The following GON4L variants were observed in gnomAD, a reference collection of about 807,000 sequenced individuals.
GON4L encodes the protein gon-4 like.
Under a neutral mutation model 211.8 loss-of-function variants are expected in GON4L, and 87 were observed. That is an observed-to-expected ratio of 0.41 (90% CI 0.35 to 0.49). The LOEUF (loss-of-function observed/expected upper bound fraction) is 0.49, where lower values mean the gene tolerates loss of function less well. Ranked by LOEUF, GON4L falls within the 20% of genes least tolerant of loss-of-function variation. GON4L has a pLI of 0.15. For synonymous variants in GON4L, 875 were observed against 962.6 expected, an observed-to-expected ratio of 0.91 and a Z score of 1.68; for missense variants, 2,155 against 2,659.5, an observed-to-expected ratio of 0.81 and a Z score of 4.17.
upstream of GON4L, among the ~76,000 whole-genome samples, chr1:155,858,533 A>T (rs796524420): frequency 9.2e-5 from 14 of 152,236 alleles, no homozygotes; most frequent in African/African-American, 3.4e-4. Flanking sequence ...GACCTACAGA[A>T]TACACAGATC....
At chr1:155,813,259 A>G (rs1428783822) in intron 10 of GON4L, among the ~76,000 whole-genome samples, 1 of 151,504 alleles carries the variant, frequency 6.6e-6, no homozygotes, top group Admixed American at 6.6e-5. Context: ...ATATAGGGAG[A>G]CCTCATCTCT....
chr1:155,829,196 A>C (rs764614619), intron 2 of GON4L, among the ~76,000 whole-genome samples: 2 of 152,124 alleles, frequency 1.3e-5, no homozygotes, highest in Non-Finnish European at 2.9e-5. Context: ...TGTTCTTCTG[A>C]ATTTGACTTA....
chr1:155,848,684 T>G (rs1348984104), intron 2 of GON4L, among the ~76,000 whole-genome samples: 2 of 152,180 alleles, frequency 1.3e-5, no homozygotes, highest in African/African-American at 2.4e-5. Flanking sequence ...TTCCTGAGGT[T>G]AGAACTATGT....
chr1:155,813,720 G>A lies in GON4L; in HGVS notation c.1366C>T (p.Gln456Ter). 1 of 1,613,642 alleles carries A rather than the reference G, an allele frequency of 6.2e-7. No homozygotes were observed. Among genetic ancestry groups the A allele is most frequent in the Non-Finnish European group, 8.5e-7 (1 of 1,179,582 alleles). ...MGPPPPPKPK[Q>*]TRDSTFMEKL... Reference sequence around the variant, plus strand: ...TCCATGAAAGTACTATCTCTGGTCTGTTTCGGCTTTGGAGGGGGCGGGGGC... The same window carrying A: ...TCCATGAAAGTACTATCTCTGGTCTATTTCGGCTTTGGAGGGGGCGGGGGC... The change falls in exon 10 of 32, where the codon CAG becomes TAG. Residue 456 changes from glutamine (Q) to a stop codon, truncating the protein, a stop_gained. Transcript: ENST00000368331. LOFTEE classifies it high-confidence loss of function.
At chr1:155,840,049 T>C (rs1417133017) in intron 2 of GON4L, among the ~76,000 whole-genome samples, 1 of 152,220 alleles carries the variant, frequency 6.6e-6, no homozygotes, top group Non-Finnish European at 1.5e-5. Context: ...TCTCTTCCAG[T>C]TCTGTTTTTA....
At position 155,754,199 on chromosome 1, in the gene GON4L, C is replaced by T. The variant is rs544014235; in HGVS notation, c.5631+176G>A. ...TACTCACAGAATTCTCTTTAAAAAA[C>T]AAAATCTATCACGTATTTCTAGCAG... is the stretch of plus-strand genomic sequence containing the variant. On this transcript the variant is annotated intron_variant, in intron 28 of 31. Coordinates refer to ENST00000368331, the MANE Select transcript of GON4L (RefSeq NM_001282860.2). 32 of 660,016 alleles carry T rather than the reference C, an allele frequency of 4.8e-5. No individual in the cohort carries two copies. In the African/African-American group the frequency reaches 5.5e-4, roughly 11 times the overall value. The allele number at this position is 660,016 out of a possible 1,614,324, so 40.9% of individuals were successfully genotyped here.
intron 6 of GON4L, among the ~76,000 whole-genome samples, chr1:155,818,775 G>A (rs554957685): frequency 2.0e-5 from 3 of 152,114 alleles, no homozygotes; most frequent in Non-Finnish European, 4.4e-5. Context: ...GGACAAGGCG[G>A]GCGATCACAT....
chr1:155,760,742 GAAT>G, intron 23 of GON4L, 101 bp from the exon 24 acceptor site: 1 of 765,634 alleles, frequency 1.3e-6, no homozygotes, highest in South Asian at 1.6e-5. Flanking sequence ...AGAGCTCCAA[GAAT>G]TATCCATCAG....
In GON4L at chr1:155,753,291, C is replaced by T. The variant is rs371535021; in HGVS notation, c.5755G>A (p.Glu1919Lys). ...EAGQGKDMME[E>K]EAPEERESTE... ...CTCTCCCGCTCCTCTGGGGCTTCCT[C>T]TTCCATCATATCCTTGCCCTGCCCA... The change falls in exon 29 of 32, where the codon GAG becomes AAG. Residue 1919 changes from glutamate (E) to lysine (K), a missense_variant. Glu to Lys is a moderately conservative substitution (Grantham distance 56, BLOSUM62 1). Coordinates refer to ENST00000368331, the MANE Select transcript of GON4L (RefSeq NM_001282860.2). 3.1e-6 allele frequency: 5 copies of T among 1,613,674 alleles called. No individual in the cohort carries two copies. The highest frequency in any genetic ancestry group is 1.1e-5 in the South Asian group (1 of 91,080).
Position 155,750,798 on chromosome 1 carries a change from C to G in GON4L, c.6577-65G>C, listed in dbSNP as rs1170929692. On this transcript the variant is annotated intron_variant, in intron 31 of 31. Transcript: ENST00000368331. ...TTTGTTTTTGAGACGGAGTCTCTCTCTGTTGCTGAGACTGGAGTGCAGTGG... is the reference window on the plus strand; with the variant it reads ...TTTGTTTTTGAGACGGAGTCTCTCTGTGTTGCTGAGACTGGAGTGCAGTGG... 2.7e-6 allele frequency: 4 copies of G among 1,461,318 alleles called. No homozygotes were observed. The Admixed American group carries it at 7.9e-5, about 29-fold the overall frequency. 90.5% of individuals were successfully genotyped at this position (1,461,318 alleles called of 1,614,324 possible). A position where few individuals can be genotyped will look rare whatever the true frequency, so the allele number is the denominator to read the frequency against.
At chr1:155,829,947 G>GT (rs1310165937) in intron 2 of GON4L, among the ~76,000 whole-genome samples, 2 of 151,420 alleles carry the variant, frequency 1.3e-5, no homozygotes, top group Non-Finnish European at 1.5e-5. Context: ...TGCAGGGACA[G>GT]TTTTTTTGTT....
chr1:155,843,456 T>A (rs1004450358), intron 2 of GON4L, among the ~76,000 whole-genome samples: 1 of 152,102 alleles, frequency 6.6e-6, no homozygotes, highest in Non-Finnish European at 1.5e-5. Context: ...CTTAACAGAT[T>A]GACCTGACTC....
In GON4L at chr1:155,765,190, G is replaced by T. The variant is rs1323659878; in HGVS notation, c.4283C>A (p.Pro1428Gln). 15 of 1,614,130 alleles carry T rather than the reference G, an allele frequency of 9.3e-6. No individual in the cohort carries two copies. The highest frequency in any genetic ancestry group is 1.3e-5 in the Non-Finnish European group (15 of 1,179,996). ...ACTGGATGAATCTTCTGGCTTCCCT[G>T]GGGGGCTACTAAGCCTCACTTCAGG... ...MDPEVRLSSP[P>Q]GKPEDSSSVD... Residue 1428 changes from proline to glutamine, a missense_variant, in exon 21 of 32, where the codon CCA (proline) becomes CAA (glutamine). By Grantham distance (76) the Pro-to-Gln change is moderately conservative. Transcript: ENST00000368331.
intron 2 of GON4L, among the ~76,000 whole-genome samples, chr1:155,834,018 A>G (rs1276327083): frequency 6.6e-6 from 1 of 151,922 alleles, no homozygotes; most frequent in Admixed American, 6.6e-5. Context: ...TAGAGATGGA[A>G]CCTAGCTATC....
At chr1:155,857,446 G>T (rs1236736182), upstream of GON4L, among the ~76,000 whole-genome samples, 1 of 152,210 alleles carries the variant, frequency 6.6e-6, no homozygotes, top group Non-Finnish European at 1.5e-5. Context: ...AGCTAATTTG[G>T]GGGCCAGGCG....
At chr1:155,856,922 G>T (rs1672340192) in intron 1 of GON4L, among the ~76,000 whole-genome samples, 1 of 152,102 alleles carries the variant, frequency 6.6e-6, no homozygotes, top group East Asian at 1.9e-4. Context: ...CCCCGGCACG[G>T]CCCTCTCCTA....
chr1:155,752,509 G>A lies in GON4L; in HGVS notation c.5924C>T (p.Pro1975Leu), dbSNP rs1264238029. The A allele has an allele frequency of 1.9e-6, 3 of 1,592,740 alleles. No individual in the cohort carries two copies. Among genetic ancestry groups the A allele is most frequent in the South Asian group, 2.3e-5 (2 of 88,460 alleles). The change falls in exon 30 of 32, where the codon CCT becomes CTT. Residue 1975 changes from proline to leucine, a missense_variant. Physicochemically the swap from Pro to Leu is moderately conservative, Grantham distance 98. Transcript: ENST00000368331. ...TERLLLDGPP[P>L]HSPETPQFPP... ...AAATTGAGGAGTCTCTGGTGAATGA[G>A]GTGGTGGGCCATCCAGGAGGAGCCG... is the stretch of plus-strand genomic sequence containing the variant.
chr1:155,795,267 C>T (rs956594062), intron 11 of GON4L, 116 bp from the exon 12 acceptor site: 1 of 707,236 alleles, frequency 1.4e-6, no homozygotes, highest in Non-Finnish European at 2.5e-6. Context: ...CACTCTGTCG[C>T]CCAGGCTGGA....
rs1439136582 is a variant in GON4L at position 155,813,573 on chromosome 1, C to A, written c.1452+61G>T. 1.5e-5 allele frequency: 19 copies of A among 1,249,808 alleles called. No individual in the cohort carries two copies. In the Admixed American group the frequency reaches 3.2e-4, roughly 21 times the overall value. The allele number at this position is 1,249,808 out of a possible 1,614,324, so 77.4% of individuals were successfully genotyped here. ...TTATCTTTTCCTCTCCCTTCCCAGCCTGAGCAACAACTACATTACTCCACT... is the reference window on the plus strand; with the variant it reads ...TTATCTTTTCCTCTCCCTTCCCAGCATGAGCAACAACTACATTACTCCACT... On this transcript the variant is annotated intron_variant, in intron 10 of 31. Coordinates refer to ENST00000368331, the MANE Select transcript of GON4L (RefSeq NM_001282860.2).
Sources: allele counts gnomAD v4.1 joint callset (sites outside exome capture counted in the v4.1 genomes callset), GRCh38; gene constraint gnomAD v4.1.1; transcripts MANE v1.5; gene names NCBI Gene and HGNC (gene_info 2026-07-23, HGNC 2026-07-21).